PCDH15: variants seen among roughly 807,000 people sequenced by gnomAD.
The protein encoded by PCDH15 is protocadherin related 15.
Under a neutral mutation model 178.5 loss-of-function variants are expected in PCDH15, and 129 were observed. The ratio of observed to expected loss-of-function variants is 0.72; its 90% CI spans 0.63 to 0.84. PCDH15 has a LOEUF of 0.84. Among genes scored for constraint, PCDH15 ranks in the 40% least tolerant of loss-of-function variants. The pLI is 0.00. For synonymous variants in PCDH15, 800 were observed against 732.0 expected, an observed-to-expected ratio of 1.09 and a Z score of -1.50; for missense variants, 2,230 against 2,099.9, an observed-to-expected ratio of 1.06 and a Z score of -1.21.
intron 8 of PCDH15, among the ~76,000 whole-genome samples, chr10:54,288,667 G>C (rs2059192281): frequency 1.3e-5 from 2 of 152,168 alleles, no homozygotes; most frequent in African/African-American, 4.8e-5. Flanking sequence ...CCCAAATACT[G>C]TGCTTTTCCC....
chr10:54,292,814 A>ACTGCTCAAGG (rs1244989045), intron 8 of PCDH15, among the ~76,000 whole-genome samples: 1 of 152,160 alleles, frequency 6.6e-6, no homozygotes, highest in Non-Finnish European at 1.5e-5. Flanking sequence ...AATGATATAA[A>ACTGCTCAAGG]AGACACAAAA....
intron 15 of PCDH15, among the ~76,000 whole-genome samples, chr10:54,128,504 T>C (rs2042163259): frequency 6.6e-6 from 1 of 152,160 alleles, no homozygotes; most frequent in African/African-American, 2.4e-5. Flanking sequence ...TTGATTAGAG[T>C]ATTGAATGGT....
intron 10 of PCDH15, among the ~76,000 whole-genome samples, chr10:54,203,079 TA>T (rs1190863180): frequency 6.6e-6 from 1 of 152,148 alleles, no homozygotes; most frequent in Non-Finnish European, 1.5e-5. Flanking sequence ...GGATAGTCCT[TA>T]TAATCTGGAG....
chr10:54,167,756 C>A (rs557276476), intron 13 of PCDH15, among the ~76,000 whole-genome samples: 1 of 152,106 alleles, frequency 6.6e-6, no homozygotes, highest in East Asian at 2.0e-4. Flanking sequence ...AACCTCTTAT[C>A]TCTGCGCCCC....
intron 2 of PCDH15, among the ~76,000 whole-genome samples, chr10:54,639,453 C>T (rs995430960): frequency 2.0e-5 from 3 of 151,952 alleles, no homozygotes; most frequent in African/African-American, 7.3e-5. Flanking sequence ...AAAAAGGTCT[C>T]AGAAGTTTAA....
chr10:55,268,598 A>G (rs566093216), intron 1 of PCDH15, among the ~76,000 whole-genome samples: 55 of 152,306 alleles, frequency 3.6e-4, no homozygotes, highest in African/African-American at 1.3e-3. Flanking sequence ...TGAACATTTT[A>G]TAGTGAATAT....
At chr10:54,710,289 G>T (rs540649987) in intron 1 of PCDH15, among the ~76,000 whole-genome samples, 1 of 146,856 alleles carries the variant, frequency 6.8e-6, no homozygotes, top group Non-Finnish European at 1.5e-5. Flanking sequence ...TGTATCTAAG[G>T]GTTTTACAAA....
intron 1 of PCDH15, among the ~76,000 whole-genome samples, chr10:55,265,027 G>C (rs189691775): frequency 6.6e-6 from 1 of 152,152 alleles, no homozygotes; most frequent in Admixed American, 6.5e-5. Context: ...ACTCCCAGTT[G>C]AGAAGCCAGC....
At chr10:54,839,978 A>C (rs192018233) in intron 3 of PCDH15, among the ~76,000 whole-genome samples, 12 of 152,218 alleles carry the variant, frequency 7.9e-5, no homozygotes, top group Admixed American at 6.6e-4. Context: ...TATCAAACAA[A>C]CAAAAAAAAC....
chr10:55,557,207 T>C (rs963847979), intron 2 of PCDH15, among the ~76,000 whole-genome samples: 1 of 152,172 alleles, frequency 6.6e-6, no homozygotes, highest in Non-Finnish European at 1.5e-5. Flanking sequence ...ATCTTTGATT[T>C]GATTTGCTGA....
chr10:55,584,413 C>A (rs1052540719), intron 2 of PCDH15, among the ~76,000 whole-genome samples: 1 of 151,182 alleles, frequency 6.6e-6, no homozygotes, highest in Admixed American at 6.6e-5. Flanking sequence ...AATCCCAGCA[C>A]GTTGAGAGAC....
At chr10:54,220,711 G>C (rs1478003329) in intron 9 of PCDH15, among the ~76,000 whole-genome samples, 1 of 151,648 alleles carries the variant, frequency 6.6e-6, no homozygotes, top group Non-Finnish European at 1.5e-5. Context: ...TGTAGTCCTA[G>C]CTACTCCGGA....
At chr10:55,148,963 G>C (rs1050460381) in intron 2 of PCDH15, among the ~76,000 whole-genome samples, 5 of 150,952 alleles carry the variant, frequency 3.3e-5, no homozygotes, top group Non-Finnish European at 7.4e-5. Context: ...CACTAAAGAG[G>C]AATAAAACTT....
chr10:54,189,919 A>ATGTG (rs531733552), intron 11 of PCDH15, among the ~76,000 whole-genome samples: 5,828 of 108,740 alleles, frequency 0.054, 261 homozygotes, highest in African/African-American at 0.12. Flanking sequence ...GTATACATGC[A>ATGTG]TGTGTATGTG....
At chr10:54,430,691 G>A (rs565363920) in intron 3 of PCDH15, among the ~76,000 whole-genome samples, 1 of 151,736 alleles carries the variant, frequency 6.6e-6, no homozygotes, top group Non-Finnish European at 1.5e-5. Context: ...ATCAAAAGAT[G>A]CATCTTATAA....
intron 18 of PCDH15, among the ~76,000 whole-genome samples, chr10:54,066,471 G>A (rs1387045829): frequency 3.9e-5 from 6 of 152,004 alleles, no homozygotes; most frequent in Non-Finnish European, 7.4e-5. Flanking sequence ...CTAATTACAT[G>A]TTTCTGTAAA....
intron 2 of PCDH15, among the ~76,000 whole-genome samples, chr10:55,123,395 C>G (rs986582989): frequency 2.0e-5 from 3 of 151,794 alleles, no homozygotes; most frequent in Non-Finnish European, 2.9e-5. Flanking sequence ...TTTAATGATA[C>G]AGTGATAAAA....
intron 2 of PCDH15, among the ~76,000 whole-genome samples, chr10:55,530,583 A>T (rs879402703): frequency 6.6e-6 from 1 of 151,988 alleles, no homozygotes; most frequent in Non-Finnish European, 1.5e-5. Context: ...TATAATGTTT[A>T]ACAAATAAAA....
chr10:53,876,188 TTG>T (rs2080220050), intron 26 of PCDH15, among the ~76,000 whole-genome samples: 1 of 56,476 alleles, frequency 1.8e-5, no homozygotes, highest in African/African-American at 1.5e-4. Flanking sequence ...GTTTTTTTTT[TTG>T]TTTTTTTGTT....
Sources: gnomAD v4.1 joint callset for allele counts (sites outside exome capture counted in the v4.1 genomes callset) on GRCh38, gnomAD v4.1.1 for gene constraint, MANE v1.5 for transcripts, NCBI Gene and HGNC (gene_info 2026-07-23, HGNC 2026-07-21) for gene names.